The following GSR variants were observed in gnomAD, a reference collection of about 807,000 sequenced individuals.
GSR encodes glutathione-disulfide reductase.
In GSR, 48 loss-of-function variants were observed where a neutral mutation model predicts 56.5. The observed-to-expected ratio is 0.85, with a 90% CI of 0.67 to 1.08. The LOEUF (loss-of-function observed/expected upper bound fraction) is 1.08, where lower values mean the gene tolerates loss of function less well. Ranked by LOEUF, GSR falls within the 50% of genes least tolerant of loss-of-function variation. GSR has a pLI of 0.00. For synonymous variants in GSR, 264 were observed against 270.8 expected, an observed-to-expected ratio of 0.97 and a Z score of 0.25; for missense variants, 694 against 703.3, an observed-to-expected ratio of 0.99 and a Z score of 0.15.
chr8:30,715,013 C>T lies in GSR; in HGVS notation c.307-2925G>A, dbSNP rs191374835. Among the ~76,000 whole-genome samples the T allele has an allele frequency of 4.3e-3, 649 of 152,186 alleles. 7 individuals carry two copies. The highest frequency in any genetic ancestry group is 0.027 in the Middle Eastern group (8 of 294). ...TTTATGGGCTGGGTGTGGTGGCTCA[C>T]GCCTGTAATCCCCACGCTTTGGGAG... is the stretch of plus-strand genomic sequence containing the variant. On this transcript the variant is annotated intron_variant, in intron 1 of 12. Coordinates refer to ENST00000221130, the MANE Select transcript of GSR (RefSeq NM_000637.5).
chr8:30,693,508 G>A (rs1003375877), intron 7 of GSR, among the ~76,000 whole-genome samples: 1 of 152,044 alleles, frequency 6.6e-6, no homozygotes, highest in Admixed American at 6.6e-5. Context: ...GGGAGGTCAT[G>A]AGTTATTCAC....
intron 11 of GSR, 44 bp downstream of exon 11, chr8:30,681,886 A>G (rs1470581427): frequency 1.9e-6 from 3 of 1,594,898 alleles, no homozygotes; most frequent in South Asian, 1.1e-5. Flanking sequence ...GGCAGGGGAA[A>G]GAGGAAGGAA....
chr8:30,699,569 G>A (rs923836346), intron 6 of GSR, among the ~76,000 whole-genome samples: 9 of 151,780 alleles, frequency 5.9e-5, no homozygotes, highest in African/African-American at 1.7e-4. Flanking sequence ...TCAGCTTCCC[G>A]AGTAGCTGAG....
rs1586027856 is a variant in GSR, at chr8:30,678,662, A to C, written c.*858T>G. On this transcript the variant is annotated 3_prime_UTR_variant, in exon 13 of 13. Transcript: ENST00000221130. ...CAGGCCTGAGCCACCGTGCCTTGCC[A>C]CAAACTATTTTTAATCATTAAAAAA... 2.0e-5 allele frequency: 3 copies of C among 152,158 alleles called. No individual in the cohort carries two copies. Among genetic ancestry groups the C allele is most frequent in the Admixed American group, 2.0e-4 (3 of 15,238 alleles). 9.4% of individuals were successfully genotyped at this position (152,158 alleles called of 1,614,324 possible). A position where few individuals can be genotyped will look rare whatever the true frequency, so the allele number is the denominator to read the frequency against.
intron 4 of GSR, among the ~76,000 whole-genome samples, chr8:30,705,391 T>G (rs1279722685): frequency 6.6e-6 from 1 of 151,920 alleles, no homozygotes; most frequent in Admixed American, 6.6e-5. Context: ...GCCTTCCAAA[T>G]AGCTGGGAAT....
intron 8 of GSR, among the ~76,000 whole-genome samples, chr8:30,691,634 T>C (rs1228681149): frequency 2.0e-5 from 3 of 149,046 alleles, no homozygotes; most frequent in African/African-American, 7.4e-5. Context: ...TGAGCCGAGA[T>C]GGCACCACTG....
Position 30,681,967 on chromosome 8 carries a change from G to A in GSR, c.1248C>T (p.Phe416=), listed in dbSNP as rs1186937230. The part of the protein sequence containing the change: ...LDYNNIPTVV[F]SHPPIGTVGL... ...CCACTGTCCCAATAGGGGGGTGGCT[G>A]AAGACCACAGTTGGGATGTTGTTAT... The change falls in exon 11 of 13, where the codon TTC becomes TTT. Residue 416 remains phenylalanine (F), a synonymous_variant. Coordinates refer to ENST00000221130, the MANE Select transcript of GSR (RefSeq NM_000637.5). 2 of 1,613,222 alleles carry A rather than the reference G, an allele frequency of 1.2e-6. No homozygotes were observed. The highest frequency in any genetic ancestry group is 1.7e-6 in the Non-Finnish European group (2 of 1,179,122).
rs952867737 is a variant in GSR at position 30,727,789 on chromosome 8, C to A, written c.47G>T (p.Trp16Leu). The A allele has an allele frequency of 5.7e-5, 76 of 1,344,174 alleles. No individual in the cohort carries two copies. The highest frequency in any genetic ancestry group is 6.9e-5 in the Non-Finnish European group (72 of 1,048,036). 83.3% of individuals were successfully genotyped at this position (1,344,174 alleles called of 1,614,324 possible). Residue 16 changes from tryptophan to leucine, a missense_variant, in exon 1 of 13, where the codon TGG (tryptophan) becomes TTG (leucine). By Grantham distance (61) the Trp-to-Leu change is moderately conservative. Coordinates refer to ENST00000221130, the MANE Select transcript of GSR (RefSeq NM_000637.5). ...TCGGAAGGCGCGCGCCGCCCGCCGC[C>A]AGCTCGGTCCCGCGCCGGCGCTCAG... The part of the protein sequence containing the change: ...RALSAGAGPS[W>L]RRAARAFRGF...
rs1194318513 is a variant in GSR, at chr8:30,678,448, T to A, written c.*1072A>T. ...GATCAGGACTCACTGCAGCCTCACCTCACCCAAGCTCAAGTGATCCTCTCA... is the reference window on the plus strand; with the variant it reads ...GATCAGGACTCACTGCAGCCTCACCACACCCAAGCTCAAGTGATCCTCTCA... On this transcript the variant is annotated 3_prime_UTR_variant, in exon 13 of 13. Transcript: ENST00000221130. 6.7e-6 allele frequency: 1 copy of A among 150,234 alleles called. No homozygotes were observed. Among genetic ancestry groups the A allele is most frequent in the African/African-American group, 2.4e-5 (1 of 40,854 alleles). 9.3% of individuals were successfully genotyped at this position (150,234 alleles called of 1,614,324 possible).
At chr8:30,710,735 A>G (rs1380747401) in intron 2 of GSR, among the ~76,000 whole-genome samples, 1 of 108,558 alleles carries the variant, frequency 9.2e-6, no homozygotes, top group Admixed American at 8.5e-5. Context: ...AAAAAAAAAA[A>G]AAAAAAAAAA....
chr8:30,702,504 A>G (rs1803778118), intron 5 of GSR, among the ~76,000 whole-genome samples: 2 of 152,210 alleles, frequency 1.3e-5, no homozygotes, highest in South Asian at 2.1e-4. Flanking sequence ...GAACAAAACA[A>G]TAAATTATCA....
chr8:30,720,854 CA>C (rs1804510807), intron 1 of GSR, among the ~76,000 whole-genome samples: 1 of 52,116 alleles, frequency 1.9e-5, no homozygotes, highest in Non-Finnish European at 1.3e-4. Flanking sequence ...CCGTGGCTCA[CA>C]CACAGGTGTG....
intron 1 of GSR, among the ~76,000 whole-genome samples, chr8:30,718,711 C>T (rs954185476): frequency 2.0e-5 from 3 of 152,050 alleles, no homozygotes; most frequent in Non-Finnish European, 2.9e-5. Flanking sequence ...GCAGATTCCC[C>T]GGTTCTCCAG....
chr8:30,727,436 G>A lies in GSR; in HGVS notation c.306+94C>T. ...TGGAAAAGAGGAAAGCCCAGCGCCGGGGGACAGGATCGCCATAGGAACGAG... is the reference window on the plus strand; with the variant it reads ...TGGAAAAGAGGAAAGCCCAGCGCCGAGGGACAGGATCGCCATAGGAACGAG... On this transcript the variant is annotated intron_variant, in intron 1 of 12. Coordinates refer to ENST00000221130, the MANE Select transcript of GSR (RefSeq NM_000637.5). The A allele has an allele frequency of 5.0e-6, 6 of 1,207,544 alleles. No individual in the cohort carries two copies. The South Asian group carries it at 8.2e-5, about 16-fold the overall frequency. 74.8% of individuals were successfully genotyped at this position (1,207,544 alleles called of 1,614,324 possible).
Position 30,727,660 on chromosome 8 carries a change from G to A in GSR, c.176C>T (p.Ala59Val). 1 of 1,454,504 alleles carries A rather than the reference G, an allele frequency of 6.9e-7. No homozygotes were observed. The allele number at this position is 1,454,504 out of a possible 1,614,324, so 90.1% of individuals were successfully genotyped here. The change falls in exon 1 of 13, where the codon GCT (alanine) becomes GTT (valine). Residue 59 changes from alanine (A) to valine (V), a missense_variant. Ala to Val is a moderately conservative substitution (Grantham distance 64, BLOSUM62 0). Transcript: ENST00000221130. ...GTAGTCATAGGAGGCCACGGCGCCAGCAGCGGGCGGCGGGCCCTGCGGCTG... is the reference window on the plus strand; with the variant it reads ...GTAGTCATAGGAGGCCACGGCGCCAACAGCGGGCGGCGGGCCCTGCGGCTG... ...EPQPQGPPPAAGAVASYDYLV... is the reference protein window; with the variant it reads ...EPQPQGPPPAVGAVASYDYLV...
At chr8:30,700,407 T>C (rs941015812) in intron 5 of GSR, among the ~76,000 whole-genome samples, 1 of 151,906 alleles carries the variant, frequency 6.6e-6, no homozygotes, top group African/African-American at 2.4e-5. Flanking sequence ...ACAGACTCTG[T>C]TGGATCTGTT....
chr8:30,694,166 T>C (rs1167957353), intron 7 of GSR, among the ~76,000 whole-genome samples: 1 of 152,028 alleles, frequency 6.6e-6, no homozygotes, highest in African/African-American at 2.4e-5. Flanking sequence ...ACAGAGAAAG[T>C]TCCTTAAAGT....
At position 30,693,009 on chromosome 8, in the gene GSR, T is replaced by A. The variant is rs1803439052; in HGVS notation, c.842A>T (p.Glu281Val). ...DSMISTNCTE[E>V]LENAGVEVLK... ...CACCTCCACGCCAGCGTTCTCCAGCTCCTCCGTGCAGTTGGTGCTGATCAT... is the reference window on the plus strand; with the variant it reads ...CACCTCCACGCCAGCGTTCTCCAGCACCTCCGTGCAGTTGGTGCTGATCAT... Residue 281 changes from glutamate (E) to valine (V), a missense_variant, in exon 8 of 13, where the codon GAG becomes GTG. Transcript: ENST00000221130. The A allele has an allele frequency of 6.2e-7, 1 of 1,613,120 alleles. No homozygotes were observed. Among genetic ancestry groups the A allele is most frequent in the Non-Finnish European group, 8.5e-7 (1 of 1,179,380 alleles).
At chr8:30,688,793 C>A (rs1803255324) in intron 9 of GSR, among the ~76,000 whole-genome samples, 1 of 151,602 alleles carries the variant, frequency 6.6e-6, no homozygotes, top group African/African-American at 2.4e-5. Context: ...GGCATTGTGG[C>A]ACACACATAG....
Sources: allele counts gnomAD v4.1 joint callset (sites outside exome capture counted in the v4.1 genomes callset), GRCh38; gene constraint gnomAD v4.1.1; transcripts MANE v1.5; gene names NCBI Gene and HGNC (gene_info 2026-07-23, HGNC 2026-07-21).